Variants in NOL4L observed in about 807,000 individuals in gnomAD.
The protein encoded by NOL4L is nucleolar protein 4 like.
A neutral mutation model predicts 64.5 loss-of-function variants in NOL4L; 7 were observed. The ratio of observed to expected loss-of-function variants is 0.11; its 90% confidence interval spans 0.06 to 0.20. NOL4L has a LOEUF of 0.20. Ranked by LOEUF, NOL4L falls within the 10% of genes least tolerant of loss-of-function variation. NOL4L has a pLI of 1.00. For missense variants in NOL4L, 680 were observed against 967.1 expected (o/e 0.70, Z 3.94); for synonymous variants, 413 against 401.0 (o/e 1.03, Z -0.36).
chr20:32,562,779 C>A (rs541786500), intron 1 of NOL4L, among the ~76,000 whole-genome samples: 1 of 151,620 alleles, frequency 6.6e-6, no homozygotes, highest in East Asian at 2.0e-4. Context: ...CTCGGCCCTC[C>A]CCATTCTGCT....
intron 1 of NOL4L, among the ~76,000 whole-genome samples, chr20:32,577,914 C>G (rs1980214146): frequency 1.3e-5 from 2 of 152,034 alleles, no homozygotes; most frequent in Admixed American, 1.3e-4. Context: ...TATTGAGGCT[C>G]AGTGAGATCA....
rs540098877 is a variant in NOL4L at position 32,476,104 on chromosome 20, A to G, written c.700-1362T>C. Among the ~76,000 whole-genome samples the G allele has an allele frequency of 7.3e-5, 11 of 150,580 alleles. No individual in the cohort carries two copies. In the East Asian group the frequency reaches 2.2e-3, roughly 30 times the overall value. On this transcript the variant is annotated intron_variant, in intron 4 of 10. Coordinates refer to ENST00000621426, the MANE Select transcript of NOL4L (RefSeq NM_001256798.2). Reference sequence around the variant, plus strand: ...TCCCCACACACAGGCACACGCACTCACTCTGCCTCCCTCCCACAGGCTGCC... The same window carrying G: ...TCCCCACACACAGGCACACGCACTCGCTCTGCCTCCCTCCCACAGGCTGCC...
At chr20:32,538,462 GCTCCCTCCCTCCCTCCCTCCCTCCCTCC>G (rs145359787) in intron 1 of NOL4L, among the ~76,000 whole-genome samples, 1 of 125,970 alleles carries the variant, frequency 7.9e-6, no homozygotes, top group East Asian at 2.1e-4. Flanking sequence ...TCCCTCCCTC[GCTCCCTCCCTCCCTCCCTCCCTCCCTCC>G]CTCCCTCCCT....
intron 4 of NOL4L, among the ~76,000 whole-genome samples, chr20:32,494,040 G>A (rs533941251): frequency 1.3e-5 from 2 of 152,172 alleles, no homozygotes; most frequent in African/African-American, 4.8e-5. Context: ...ATCACCTGAG[G>A]TCAGGAGTTC....
chr20:32,552,576 A>T (rs528333234), intron 1 of NOL4L, among the ~76,000 whole-genome samples: 1 of 152,244 alleles, frequency 6.6e-6, no homozygotes, highest in South Asian at 2.1e-4. Context: ...AATCCCAGCT[A>T]CTTGGGAGGC....
At chr20:32,451,816 G>T (rs2145425472) in intron 10 of NOL4L, 1 of 155,528 alleles carries the variant, frequency 6.4e-6, no homozygotes, top group African/African-American at 2.4e-5. Flanking sequence ...GCCAGCAGCT[G>T]TCTCACTGAG....
At chr20:32,538,893 CA>C (rs1176110587) in intron 1 of NOL4L, among the ~76,000 whole-genome samples, 1 of 152,210 alleles carries the variant, frequency 6.6e-6, no homozygotes, top group African/African-American at 2.4e-5. Flanking sequence ...TACCTTCTGA[CA>C]TACACTGAGT....
chr20:32,573,218 T>C (rs1278825190), intron 1 of NOL4L, among the ~76,000 whole-genome samples: 1 of 152,072 alleles, frequency 6.6e-6, no homozygotes, highest in Non-Finnish European at 1.5e-5. Context: ...AGTCTCACTA[T>C]ATTGCCAGGG....
intron 1 of NOL4L, among the ~76,000 whole-genome samples, chr20:32,540,073 G>A (rs1201913024): frequency 6.6e-6 from 1 of 152,200 alleles, no homozygotes. Context: ...CCTCGGGTGT[G>A]AACATTTTTT....
rs552795387 is a variant in NOL4L, at chr20:32,456,337, C to G, written c.900G>C (p.Thr300=). 1 of 1,541,432 alleles carries G rather than the reference C, an allele frequency of 6.5e-7. No individual in the cohort carries two copies. The highest frequency in any genetic ancestry group is 8.8e-7 in the Non-Finnish European group (1 of 1,140,372). The part of the protein sequence containing the change: ...GNGSSTLNPS[T]SSSTQGDPAF... ...CAGGGTCGCCCTGCGTGCTGCTCGA[C>G]GTGGATGGGTTCAGGGTGGAGGAGC... Residue 300 remains threonine, a synonymous_variant, in exon 6 of 11, where the codon ACG becomes ACC. Coordinates refer to ENST00000621426, the MANE Select transcript of NOL4L (RefSeq NM_001256798.2).
rs117436223 is a variant in NOL4L, at chr20:32,525,000, T to G, written c.477+2758A>C. Among the ~76,000 whole-genome samples, 84 of 152,348 alleles carry G rather than the reference T, an allele frequency of 5.5e-4. 2 individuals carry two copies. The East Asian group carries it at 0.015, about 27-fold the overall frequency. Reference sequence around the variant, plus strand: ...CTGCTCAGCTCAGCCTTGGCCCTGCTGCTGAAATTCCAGCTCTGTGTGCAG... The same window carrying G: ...CTGCTCAGCTCAGCCTTGGCCCTGCGGCTGAAATTCCAGCTCTGTGTGCAG... On this transcript the variant is annotated intron_variant, in intron 2 of 10. Transcript: ENST00000621426.
At chr20:32,469,435 G>A (rs1403310469) in intron 5 of NOL4L, among the ~76,000 whole-genome samples, 1 of 150,486 alleles carries the variant, frequency 6.6e-6, no homozygotes, top group African/African-American at 2.5e-5. Flanking sequence ...CAAATGGTGT[G>A]GTCTCGGCTT....
intron 5 of NOL4L, among the ~76,000 whole-genome samples, chr20:32,461,212 C>G (rs2014013686): frequency 6.6e-6 from 1 of 152,172 alleles, no homozygotes; most frequent in African/African-American, 2.4e-5. Flanking sequence ...TTGGGCCCAC[C>G]AGGCCCTTCC....
At chr20:32,488,790 C>CTTTCTTTCTTTTT (rs2016244529) in intron 4 of NOL4L, among the ~76,000 whole-genome samples, 3 of 39,770 alleles carry the variant, frequency 7.5e-5, no homozygotes, top group Admixed American at 2.8e-4. Context: ...TTCCTTCCTT[C>CTTTCTTTCTTTTT]CTTTCTTTCT....
intron 1 of NOL4L, among the ~76,000 whole-genome samples, chr20:32,543,703 C>T (rs1385403811): frequency 6.6e-6 from 1 of 151,728 alleles, no homozygotes; most frequent in Non-Finnish European, 1.5e-5. Context: ...GGCACAATAA[C>T]CACTTGAACC....
At chr20:32,510,061 A>G in intron 4 of NOL4L, 1 of 749,298 alleles carries the variant, frequency 1.3e-6, no homozygotes, top group East Asian at 6.5e-5. Flanking sequence ...CTCATTACCG[A>G]CACTCCTGCA....
rs143368888 is a variant in NOL4L at position 32,456,278 on chromosome 20, G to A, written c.959C>T (p.Ala320Val). Residue 320 changes from alanine to valine, a missense_variant, in exon 6 of 11, where the codon GCC (alanine) becomes GTC (valine). Ala to Val is a moderately conservative substitution (Grantham distance 64). This residue lies in a region of NOL4L where 254 missense variants were observed against 238.7 expected (regional missense o/e 1.06). Coordinates refer to ENST00000621426, the MANE Select transcript of NOL4L (RefSeq NM_001256798.2). ...FPEMNGNGAV[A>V]PMDFTTAAED... Reference sequence around the variant, plus strand: ...GGCGGCCGTGGTGAAGTCCATGGGGGCCACGGCGCCGTTGCCATTCATCTC... The same window carrying A: ...GGCGGCCGTGGTGAAGTCCATGGGGACCACGGCGCCGTTGCCATTCATCTC... 15 of 1,588,344 alleles carry A rather than the reference G, an allele frequency of 9.4e-6. No homozygotes were observed. Among genetic ancestry groups the A allele is most frequent in the African/African-American group, 8.1e-5 (6 of 73,990 alleles).
In NOL4L at chr20:32,456,137, C is replaced by T; in HGVS notation, c.1100G>A (p.Gly367Glu). The T allele has an allele frequency of 6.5e-7, 1 of 1,547,734 alleles. No individual in the cohort carries two copies. The highest frequency in any genetic ancestry group is 8.7e-7 in the Non-Finnish European group (1 of 1,143,850). ...ADGLRSRVKY[G>E]VKTTPESPPY... ...ACACACCTCGGGGGTGGTCTTCACC[C>T]CGTATTTGACGCGGCTCCGCAGCCC... is the stretch of plus-strand genomic sequence containing the variant. Residue 367 changes from glycine (G) to glutamate (E), a missense_variant, in exon 6 of 11, where the codon GGG becomes GAG. This residue lies in a region of NOL4L where 254 missense variants were observed against 238.7 expected (regional missense o/e 1.06). Coordinates refer to ENST00000621426, the MANE Select transcript of NOL4L (RefSeq NM_001256798.2).
chr20:32,453,286 C>T lies in NOL4L; in HGVS notation c.1497+18G>A. On this transcript the variant is annotated intron_variant, in intron 8 of 10. Transcript: ENST00000621426. This position sits in a 1 kb window ranked among gnomAD's most constrained non-coding sequence, Gnocchi z 5.6. ...AGTGGCACCGAGGGAAAGTGTGGGC[C>T]AGGCAGGGGGGACTCACCATCTCCA... 6.2e-7 allele frequency: 1 copy of T among 1,608,148 alleles called. No homozygotes were observed. Among genetic ancestry groups the T allele is most frequent in the Non-Finnish European group, 8.5e-7 (1 of 1,175,708 alleles).
Sources: gnomAD v4.1 joint callset for allele counts (sites outside exome capture counted in the v4.1 genomes callset) on GRCh38, gnomAD v4.1.1 for gene constraint, gnomAD v4.1.1 regional missense constraint, Gnocchi (gnomAD v3.1) non-coding constraint, MANE v1.5 for transcripts, NCBI Gene and HGNC (gene_info 2026-07-23, HGNC 2026-07-21) for gene names.